The following IKZF1 variants were observed in gnomAD, a reference collection of about 807,000 sequenced individuals.
IKZF1 encodes the protein IKAROS family zinc finger 1, also known as DNA-binding protein Ikaros.
IKZF1 carries 10 observed loss-of-function variants against 51.7 expected under a neutral mutation model. The ratio of observed to expected loss-of-function variants is 0.19; its 90% CI spans 0.12 to 0.33. The LOEUF is 0.33. Ranked by LOEUF, IKZF1 falls within the 10% of genes least tolerant of loss-of-function variation. The pLI is 1.00. For synonymous variants in IKZF1, 280 were observed against 282.3 expected (o/e 0.99, Z 0.08); for missense variants, 484 against 707.5 (o/e 0.68, Z 3.58).
At chr7:50,391,599 G>A in intron 6 of IKZF1, 130 bp from the exon 7 acceptor site, 1 of 1,367,680 alleles carries the variant, frequency 7.3e-7, no homozygotes, top group Non-Finnish European at 9.8e-7. Context: ...TTGCTGGGAA[G>A]ATTAGAATTA....
chr7:50,323,254 CG>C (rs1195786606), intron 2 of IKZF1, among the ~76,000 whole-genome samples: 1 of 152,130 alleles, frequency 6.6e-6, no homozygotes, highest in Non-Finnish European at 1.5e-5. Flanking sequence ...AGCAACTGAC[CG>C]GAAGTCCAAC....
chr7:50,372,181 G>A (rs745515391), intron 3 of IKZF1, among the ~76,000 whole-genome samples: 18 of 152,214 alleles, frequency 1.2e-4, no homozygotes, highest in Non-Finnish European at 2.2e-4. Context: ...CGTTTTCATG[G>A]ACAGCCTCCT....
At chr7:50,336,208 C>CA (rs1242667151) in intron 3 of IKZF1, among the ~76,000 whole-genome samples, 2 of 152,132 alleles carry the variant, frequency 1.3e-5, no homozygotes, top group Non-Finnish European at 2.9e-5. Flanking sequence ...ATGTGGTTGC[C>CA]ACAGCTGGAA....
chr7:50,316,489 T>C (rs1188121333), intron 1 of IKZF1, among the ~76,000 whole-genome samples: 1 of 152,228 alleles, frequency 6.6e-6, no homozygotes, highest in Non-Finnish European at 1.5e-5. Context: ...GCTCTCTGGC[T>C]CTTGCAGACT....
intron 3 of IKZF1, among the ~76,000 whole-genome samples, chr7:50,336,847 G>A (rs1797907281): frequency 2.0e-5 from 3 of 152,210 alleles, no homozygotes; most frequent in Admixed American, 2.0e-4. Context: ...AGTTCCATCT[G>A]TGGGACACTA....
upstream of IKZF1, among the ~76,000 whole-genome samples, chr7:50,303,846 C>A (rs745836012): frequency 6.7e-6 from 1 of 148,918 alleles, no homozygotes; most frequent in Admixed American, 6.7e-5. This position sits in a 1 kb window ranked among gnomAD's most constrained non-coding sequence, Gnocchi z 4.7. Flanking sequence ...TCCCCCTCCC[C>A]CTCCTGGCGG....
chr7:50,361,815 G>A (rs1340610826), intron 3 of IKZF1, among the ~76,000 whole-genome samples: 4 of 152,092 alleles, frequency 2.6e-5, no homozygotes, highest in Non-Finnish European at 5.9e-5. Context: ...GGAGGAGGTT[G>A]CAGTGAGCCA....
At position 50,366,110 on chromosome 7, in the gene IKZF1, G is replaced by A. The variant is rs569948017; in HGVS notation, c.161-10423G>A. Among the ~76,000 whole-genome samples the A allele has an allele frequency of 2.0e-5, 3 of 152,248 alleles. No homozygotes were observed. In the South Asian group the frequency reaches 6.2e-4, roughly 32 times the overall value. On this transcript the variant is annotated intron_variant, in intron 3 of 7. Coordinates refer to ENST00000331340, the MANE Select transcript of IKZF1 (RefSeq NM_006060.6). ...GGGCACATAGAGGGGCCTATCAGAG[G>A]GTGGAGGGTGGGAGAAGGAAGAGTA...
chr7:50,360,326 C>G (rs1486383956), intron 3 of IKZF1, among the ~76,000 whole-genome samples: 1 of 152,048 alleles, frequency 6.6e-6, no homozygotes, highest in African/African-American at 2.4e-5. Context: ...AGGAGCTGAG[C>G]ACAGCCTCCA....
At position 50,404,446 on chromosome 7, in the gene IKZF1, C is replaced by G. The variant is rs1012607591; in HGVS notation, c.*3819C>G. The G allele has an allele frequency of 2.6e-5, 6 of 229,376 alleles. No individual in the cohort carries two copies. The highest frequency in any genetic ancestry group is 1.1e-4 in the African/African-American group (5 of 45,132). The allele number at this position is 229,376 out of a possible 1,614,324, so 14.2% of individuals were successfully genotyped here. A position where few individuals can be genotyped will look rare whatever the true frequency, so the allele number is the denominator to read the frequency against. On this transcript the variant is annotated 3_prime_UTR_variant, in exon 8 of 8. Transcript: ENST00000331340. ...AAATGCAACGAATACTCTGTCTGCC[C>G]TATCCCGTGAAGTCCACACTGGCGT...
At chr7:50,365,886 A>G (rs147865331) in intron 3 of IKZF1, among the ~76,000 whole-genome samples, 8 of 152,352 alleles carry the variant, frequency 5.3e-5, no homozygotes, top group South Asian at 2.1e-4. Flanking sequence ...ATGCCCATCA[A>G]TGATAGACTG....
rs1185686390 is a variant in IKZF1 at position 50,404,906 on chromosome 7, C to T, written c.*4279C>T. ...GAAACAGCTGCCTGCCTGCATTGCA[C>T]TTCTCTTCCCGAGGAGTGGGGTAAA... On this transcript the variant is annotated 3_prime_UTR_variant, in exon 8 of 8. Coordinates refer to ENST00000331340, the MANE Select transcript of IKZF1 (RefSeq NM_006060.6). 1 of 217,140 alleles carries T rather than the reference C, an allele frequency of 4.6e-6. No homozygotes were observed. The highest frequency in any genetic ancestry group is 9.3e-6 in the Non-Finnish European group (1 of 108,004). The allele number at this position is 217,140 out of a possible 1,614,324, so 13.5% of individuals were successfully genotyped here. A position where few individuals can be genotyped will look rare whatever the true frequency, so the allele number is the denominator to read the frequency against.
chr7:50,346,784 G>A (rs758885630), intron 3 of IKZF1, among the ~76,000 whole-genome samples: 1 of 152,214 alleles, frequency 6.6e-6, no homozygotes, highest in African/African-American at 2.4e-5. Flanking sequence ...ATGACTCACT[G>A]CCGTTAGTCT....
intron 1 of IKZF1, among the ~76,000 whole-genome samples, chr7:50,312,353 T>C (rs565706759): frequency 5.3e-4 from 80 of 152,234 alleles, no homozygotes; most frequent in African/African-American, 1.8e-3. Context: ...AAGCCTCTCC[T>C]CTCCGTGTGA....
In IKZF1 at chr7:50,365,378, T is replaced by C. The variant is rs191229962; in HGVS notation, c.161-11155T>C. On this transcript the variant is annotated intron_variant, in intron 3 of 7. Coordinates refer to ENST00000331340, the MANE Select transcript of IKZF1 (RefSeq NM_006060.6). ...ATAGGTACAGCTATATTTTGTTTTT[T>C]AAACAATTTTGTGAACCACATATTT... Among the ~76,000 whole-genome samples the C allele has an allele frequency of 2.6e-5, 4 of 152,346 alleles. No homozygotes were observed. The East Asian group carries it at 7.7e-4, about 29-fold the overall frequency.
chr7:50,404,359 G>A lies in IKZF1; in HGVS notation c.*3732G>A, dbSNP rs932236781. On this transcript the variant is annotated 3_prime_UTR_variant, in exon 8 of 8. Coordinates refer to ENST00000331340, the MANE Select transcript of IKZF1 (RefSeq NM_006060.6). ...GCTGTGAACAAGGGATGTACCACTG[G>A]AGGAATAGAGTATCCTTTTGTACAC... 8.9e-6 allele frequency: 2 copies of A among 225,592 alleles called. No individual in the cohort carries two copies. 14.0% of individuals were successfully genotyped at this position (225,592 alleles called of 1,614,324 possible).
intron 2 of IKZF1, among the ~76,000 whole-genome samples, chr7:50,324,446 C>G (rs1025541257): frequency 5.3e-5 from 8 of 152,122 alleles, no homozygotes; most frequent in African/African-American, 1.9e-4. Context: ...ACTAGATGCC[C>G]CTGTACATAC....
intron 2 of IKZF1, among the ~76,000 whole-genome samples, chr7:50,321,950 T>C (rs1450952249): frequency 6.6e-6 from 1 of 152,202 alleles, no homozygotes; most frequent in African/African-American, 2.4e-5. Flanking sequence ...GTCTGAAATT[T>C]AGTTTGTGTA....
intron 3 of IKZF1, among the ~76,000 whole-genome samples, chr7:50,371,150 T>C (rs1364620443): frequency 6.6e-6 from 1 of 151,976 alleles, no homozygotes; most frequent in Non-Finnish European, 1.5e-5. Context: ...ACTGAAGGGA[T>C]TTCTCATATG....
Sources: allele counts gnomAD v4.1 joint callset (sites outside exome capture counted in the v4.1 genomes callset), GRCh38; gene constraint gnomAD v4.1.1; non-coding constraint Gnocchi (gnomAD v3.1); transcripts MANE v1.5; gene names NCBI Gene and HGNC (gene_info 2026-07-23, HGNC 2026-07-21).